The following SLC15A5 variants were observed in gnomAD, a reference collection of about 807,000 sequenced individuals.
SLC15A5 encodes Peptide/histidine transporter ENSP00000340402.
Under a neutral mutation model 56.1 loss-of-function variants are expected in SLC15A5, and 58 were observed. The observed-to-expected ratio is 1.03, with a 90% CI of 0.84 to 1.29. The LOEUF (loss-of-function observed/expected upper bound fraction) is 1.29, where lower values mean the gene tolerates loss of function less well. Among genes scored for constraint, SLC15A5 ranks in the 50% most tolerant of loss-of-function variants. The pLI is 0.00. For synonymous variants in SLC15A5, 264 were observed against 250.5 expected, an observed-to-expected ratio of 1.05 and a Z score of -0.51; for missense variants, 681 against 672.1, an observed-to-expected ratio of 1.01 and a Z score of -0.15.
At chr12:16,255,893 G>T (rs75198132) in intron 3 of SLC15A5, among the ~76,000 whole-genome samples, 2,956 of 152,124 alleles carry the variant, frequency 0.019, 99 homozygotes, top group African/African-American at 0.065. Flanking sequence ...TTTAATATTT[G>T]CATTTATTTA....
chr12:16,254,318 C>T (rs1215690152), intron 3 of SLC15A5, among the ~76,000 whole-genome samples: 1 of 151,936 alleles, frequency 6.6e-6, no homozygotes, highest in Non-Finnish European at 1.5e-5. Flanking sequence ...TTACCAAGGA[C>T]TAGGAGGAGT....
intron 1 of SLC15A5, 98 bp from the exon 2 acceptor site, chr12:16,272,881 T>G: frequency 9.6e-7 from 1 of 1,037,494 alleles, no homozygotes; most frequent in South Asian, 1.5e-5. Context: ...TGGCATCATT[T>G]TGTGATTGTC....
At chr12:16,229,653 C>T (rs903780015) in intron 5 of SLC15A5, among the ~76,000 whole-genome samples, 13 of 136,748 alleles carry the variant, frequency 9.5e-5, no homozygotes, top group African/African-American at 3.7e-4. Flanking sequence ...CACATACACA[C>T]ACACACACAC....
intron 7 of SLC15A5, among the ~76,000 whole-genome samples, chr12:16,203,552 G>A (rs1863983665): frequency 6.6e-6 from 1 of 151,992 alleles, no homozygotes; most frequent in African/African-American, 2.4e-5. Context: ...TTACCTCTTA[G>A]AAAACAAGAA....
chr12:16,258,418 T>G (rs752320839), intron 2 of SLC15A5, among the ~76,000 whole-genome samples: 1 of 152,152 alleles, frequency 6.6e-6, no homozygotes, highest in Non-Finnish European at 1.5e-5. Context: ...TCCCAATGAT[T>G]AGTATCACAG....
chr12:16,190,626 A>C (rs186736493), intron 8 of SLC15A5, among the ~76,000 whole-genome samples: 7 of 152,258 alleles, frequency 4.6e-5, no homozygotes, highest in Admixed American at 6.5e-5. Flanking sequence ...TATAAGTTTA[A>C]TTTTATCACA....
At chr12:16,255,321 A>G (rs920951248) in intron 3 of SLC15A5, among the ~76,000 whole-genome samples, 3 of 152,088 alleles carry the variant, frequency 2.0e-5, no homozygotes, top group African/African-American at 7.2e-5. Flanking sequence ...GAAATTCAAA[A>G]TGCTCTAAGG....
At chr12:16,239,101 T>C (rs1216651283) in intron 5 of SLC15A5, among the ~76,000 whole-genome samples, 1 of 152,214 alleles carries the variant, frequency 6.6e-6, no homozygotes, top group East Asian at 1.9e-4. Context: ...CACTGTTCTC[T>C]TGTTCCCTGA....
intron 2 of SLC15A5, among the ~76,000 whole-genome samples, chr12:16,259,327 C>T (rs1047876078): frequency 5.3e-5 from 8 of 151,238 alleles, no homozygotes; most frequent in South Asian, 2.1e-4. Context: ...CTTTCCTTCC[C>T]TCCTTTCCTC....
Position 16,237,326 on chromosome 12 carries a change from A to C in SLC15A5, c.1162+2355T>G, listed in dbSNP as rs1864361842. 6.6e-6 allele frequency among the ~76,000 whole-genome samples: 1 copy of C among 152,214 alleles called. No homozygotes were observed. The highest frequency in any genetic ancestry group is 2.4e-5 in the African/African-American group (1 of 41,458). Reference sequence around the variant, plus strand: ...TTTTATATTCCCATAGCAAAACGTTATGCAAATAAACGTACAAGTATGCAA... The same window carrying C: ...TTTTATATTCCCATAGCAAAACGTTCTGCAAATAAACGTACAAGTATGCAA... On this transcript the variant is annotated intron_variant, in intron 5 of 8. Transcript: ENST00000344941. This position sits in a 1 kb window ranked among gnomAD's most constrained non-coding sequence, Gnocchi z 4.1.
At position 16,189,603 on chromosome 12, in the gene SLC15A5, A is replaced by G; in HGVS notation, c.*65T>C. ...TGGCTTTTACACTAAAACACATAAAATGCTCAACTGAAGAAGAAAACAATG... is the reference window on the plus strand; with the variant it reads ...TGGCTTTTACACTAAAACACATAAAGTGCTCAACTGAAGAAGAAAACAATG... On this transcript the variant is annotated 3_prime_UTR_variant, in exon 9 of 9. Transcript: ENST00000344941. 2 of 1,326,804 alleles carry G rather than the reference A, an allele frequency of 1.5e-6. No homozygotes were observed. The highest frequency in any genetic ancestry group is 9.7e-7 in the Non-Finnish European group (1 of 1,030,404). The allele number at this position is 1,326,804 out of a possible 1,614,324, so 82.2% of individuals were successfully genotyped here.
chr12:16,254,804 CAAA>C (rs1196076558), intron 3 of SLC15A5, among the ~76,000 whole-genome samples: 1 of 152,098 alleles, frequency 6.6e-6, no homozygotes, highest in East Asian at 1.9e-4. Context: ...AAGCTGATCT[CAAA>C]GAAGTAAAAC....
chr12:16,260,527 G>A (rs1767616011), intron 2 of SLC15A5, among the ~76,000 whole-genome samples: 1 of 150,358 alleles, frequency 6.7e-6, no homozygotes, highest in Admixed American at 6.6e-5. Context: ...TCATTGATTT[G>A]TCAAAGGTCT....
intron 7 of SLC15A5, among the ~76,000 whole-genome samples, chr12:16,203,859 G>T (rs1466240412): frequency 6.6e-6 from 1 of 152,124 alleles, no homozygotes; most frequent in African/African-American, 2.4e-5. Flanking sequence ...ATTGGATGCA[G>T]ATGAAGACAT....
At chr12:16,262,091 CAGAGAAGAAATCTGAACTGGG>C in intron 2 of SLC15A5, among the ~76,000 whole-genome samples, 2 of 152,262 alleles carry the variant, frequency 1.3e-5, no homozygotes, top group Middle Eastern at 6.8e-3. Flanking sequence ...CCCTCTCTTT[CAGAGAAGAAATCTGAACTGGG>C]AGAACTGAAA....
At position 16,237,406 on chromosome 12, in the gene SLC15A5, C is replaced by G. The variant is rs755208480; in HGVS notation, c.1162+2275G>C. On this transcript the variant is annotated intron_variant, in intron 5 of 8. Coordinates refer to ENST00000344941, the MANE Select transcript of SLC15A5 (RefSeq NM_001170798.1). The surrounding 1 kb of genome is among the most constrained non-coding windows in gnomAD (Gnocchi z 4.1). ...AACAACTGAAATCAGTATTCTGTAC[C>G]CAGTGGAACGTAGCTTAGTTTCTTT... is the stretch of plus-strand genomic sequence containing the variant. Among the ~76,000 whole-genome samples, 4 of 152,048 alleles carry G rather than the reference C, an allele frequency of 2.6e-5. No homozygotes were observed. Among genetic ancestry groups the G allele is most frequent in the Non-Finnish European group, 5.9e-5 (4 of 68,004 alleles).
Position 16,259,902 on chromosome 12 carries a change from G to GGGGC in SLC15A5, c.585-2033_585-2032insGCCC, listed in dbSNP as rs1555173556. On this transcript the variant is annotated intron_variant, in intron 2 of 8. Transcript: ENST00000344941. ...TGTACCCAGCTGACACCACCCGGGC[G>GGGGC]GGGGGTAAGTTAGAGCACTTCCAGT... 7.4e-3 allele frequency among the ~76,000 whole-genome samples: 1,117 copies of GGGGC among 150,100 alleles called. 21 individuals are homozygous for GGGGC. The highest frequency in any genetic ancestry group is 0.026 in the African/African-American group (1,067 of 40,992).
chr12:16,257,144 AGATT>A (rs1206912266), intron 3 of SLC15A5, among the ~76,000 whole-genome samples: 2 of 152,088 alleles, frequency 1.3e-5, no homozygotes, highest in Non-Finnish European at 2.9e-5. Context: ...AGAGAGAGAG[AGATT>A]GATAATGACA....
intron 5 of SLC15A5, among the ~76,000 whole-genome samples, chr12:16,228,154 C>T (rs983971186): frequency 6.6e-6 from 1 of 152,068 alleles, no homozygotes; most frequent in African/African-American, 2.4e-5. Flanking sequence ...TAAAGAGAAA[C>T]GATCAGAAGA....
Sources: gnomAD v4.1 joint callset for allele counts (sites outside exome capture counted in the v4.1 genomes callset) on GRCh38, gnomAD v4.1.1 for gene constraint, Gnocchi (gnomAD v3.1) non-coding constraint, MANE v1.5 for transcripts, NCBI Gene and HGNC (gene_info 2026-07-23, HGNC 2026-07-21) for gene names.